The following TBC1D1 variants were observed in gnomAD, a reference collection of about 807,000 sequenced individuals.
TBC1D1 encodes the protein TBC1 (tre-2/USP6, BUB2, cdc16) domain family, member 1.
TBC1D1 carries 89 observed loss-of-function variants against 125.6 expected under a neutral mutation model. The ratio of observed to expected loss-of-function variants is 0.71; its 90% CI spans 0.60 to 0.85. The LOEUF is 0.85. Ranked by LOEUF, TBC1D1 falls within the 40% of genes least tolerant of loss-of-function variation. TBC1D1 has a pLI of 0.00. For missense variants in TBC1D1, 1,377 were observed against 1,469.2 expected (o/e 0.94, Z 1.03); for synonymous variants, 565 against 564.1 (o/e 1.00, Z -0.02).
chr4:38,085,026 G>A (rs1326219844), intron 12 of TBC1D1, among the ~76,000 whole-genome samples: 1 of 152,214 alleles, frequency 6.6e-6, no homozygotes, highest in Non-Finnish European at 1.5e-5. Context: ...GAGGTGGTGT[G>A]CACGTTGCTT....
intron 12 of TBC1D1, among the ~76,000 whole-genome samples, chr4:38,063,919 C>G (rs1022934360): frequency 6.6e-5 from 10 of 152,044 alleles, no homozygotes; most frequent in African/African-American, 2.2e-4. Flanking sequence ...GTGAGCCCGA[C>G]CCACCGCAGT....
chr4:38,119,138 T>A (rs1232427222), intron 17 of TBC1D1, among the ~76,000 whole-genome samples: 1 of 152,190 alleles, frequency 6.6e-6, no homozygotes, highest in Non-Finnish European at 1.5e-5. Context: ...TAAAAACATG[T>A]GATCTTTAAA....
intron 2 of TBC1D1, among the ~76,000 whole-genome samples, chr4:37,929,416 G>GCTGTA (rs1722797739): frequency 6.6e-6 from 1 of 152,148 alleles, no homozygotes; most frequent in South Asian, 2.1e-4. Context: ...TTTAGCAACC[G>GCTGTA]CTGTACTCCC....
At chr4:38,081,030 G>A (rs867383104) in intron 12 of TBC1D1, among the ~76,000 whole-genome samples, 3 of 152,120 alleles carry the variant, frequency 2.0e-5, no homozygotes. Flanking sequence ...CTCTTTAAAG[G>A]AGCTGAGTCC....
chr4:37,906,995 A>G (rs1260505045), intron 2 of TBC1D1, among the ~76,000 whole-genome samples: 1 of 152,258 alleles, frequency 6.6e-6, no homozygotes, highest in African/African-American at 2.4e-5. Flanking sequence ...TTAAAAAACA[A>G]AAGTAATAAA....
At chr4:37,987,935 T>C (rs552857924) in intron 2 of TBC1D1, among the ~76,000 whole-genome samples, 4 of 152,334 alleles carry the variant, frequency 2.6e-5, no homozygotes, top group African/African-American at 9.6e-5. Flanking sequence ...AGCATCATAC[T>C]GTGGATGTTT....
intron 17 of TBC1D1, among the ~76,000 whole-genome samples, chr4:38,120,389 A>G (rs746252663): frequency 6.6e-6 from 1 of 152,218 alleles, no homozygotes; most frequent in Non-Finnish European, 1.5e-5. Flanking sequence ...AGGTTTTTAC[A>G]AACCATTTCT....
chr4:37,941,829 T>G (rs1725637559), intron 2 of TBC1D1, among the ~76,000 whole-genome samples: 1 of 152,054 alleles, frequency 6.6e-6, no homozygotes, highest in East Asian at 1.9e-4. Context: ...TGTAGTTGAG[T>G]AGTTTTGAGT....
Position 37,977,468 on chromosome 4 carries a change from C to A in TBC1D1, c.418-37041C>A. ...GGCCGGCGGCGGGAGTGAGCGGGAG[C>A]CGGCGGGCGAAGAGCCGCCGCCCGG... On this transcript the variant is annotated intron_variant, in intron 2 of 19. Transcript: ENST00000261439. This position sits in a 1 kb window ranked among gnomAD's most constrained non-coding sequence, Gnocchi z 4.3. The A allele has an allele frequency of 1.0e-6, 1 of 986,858 alleles. No homozygotes were observed. Among genetic ancestry groups the A allele is most frequent in the South Asian group, 4.6e-5 (1 of 21,924 alleles). The allele number at this position is 986,858 out of a possible 1,614,324, so 61.1% of individuals were successfully genotyped here.
rs1043435507 is a variant in TBC1D1, at chr4:38,075,563, C to T, written c.2051-14369C>T. On this transcript the variant is annotated intron_variant, in intron 12 of 19. Transcript: ENST00000261439. ...TTTTTGTTTCATCTTGAGGACTTCC[C>T]CATCCCCTCTCCTCCGCAAAGCACA... Among the ~76,000 whole-genome samples the T allele has an allele frequency of 1.5e-4, 23 of 152,274 alleles. No homozygotes were observed. In the South Asian group the frequency reaches 1.9e-3, roughly 12 times the overall value.
intron 6 of TBC1D1, 143 bp downstream of exon 6, chr4:38,021,861 C>T: frequency 1.1e-6 from 1 of 930,600 alleles, no homozygotes; most frequent in Non-Finnish European, 1.4e-6. Context: ...TCTCAGTGTG[C>T]AGTGGGTGTC....
chr4:38,118,297 A>G (rs1763303071), intron 17 of TBC1D1, 105 bp downstream of exon 19: 9 of 1,347,856 alleles, frequency 6.7e-6, no homozygotes, highest in African/African-American at 2.9e-5. Flanking sequence ...TGTAGCTCTT[A>G]CCAGAACAGG....
chr4:38,048,522 C>T (rs1184291465), intron 10 of TBC1D1, among the ~76,000 whole-genome samples: 4 of 151,010 alleles, frequency 2.6e-5, no homozygotes, highest in African/African-American at 7.4e-5. Flanking sequence ...TGTAACTTCT[C>T]CCTTTGGTAA....
intron 14 of TBC1D1, among the ~76,000 whole-genome samples, chr4:38,096,946 A>C (rs558903895): frequency 2.8e-4 from 43 of 152,326 alleles, no homozygotes; most frequent in African/African-American, 1.0e-3. Context: ...GCTTACCTTC[A>C]GTCATTATTA....
intron 2 of TBC1D1, among the ~76,000 whole-genome samples, chr4:37,984,680 G>C (rs1049369129): frequency 6.6e-6 from 1 of 151,528 alleles, no homozygotes; most frequent in Non-Finnish European, 1.5e-5. Flanking sequence ...CCTATCTCTA[G>C]AAAAATACAA....
rs116574539 is a variant in TBC1D1, at chr4:38,115,586, G to C, written c.2558-124G>C. Reference sequence around the variant, plus strand: ...GTTTGCAGAGGAAGTGGCAAAGACTGATTGATATTATGATCCAGCTTCTAA... The same window carrying C: ...GTTTGCAGAGGAAGTGGCAAAGACTCATTGATATTATGATCCAGCTTCTAA... On this transcript the variant is annotated intron_variant, in intron 15 of 19. Coordinates refer to ENST00000261439, the MANE Select transcript of TBC1D1 (RefSeq NM_015173.4). The C allele has an allele frequency of 2.3e-3, 2,298 of 998,302 alleles. 26 individuals carry two copies. In the African/African-American group the frequency reaches 0.032, roughly 14 times the overall value. 61.8% of individuals were successfully genotyped at this position (998,302 alleles called of 1,614,324 possible).
At chr4:38,115,098 CTTTTTT>C (rs56997021) in intron 15 of TBC1D1, among the ~76,000 whole-genome samples, 252 of 134,662 alleles carry the variant, frequency 1.9e-3, no homozygotes, top group East Asian at 6.3e-3. Context: ...TTTCTTTTTT[CTTTTTT>C]TTTTTTTTTT....
At chr4:37,968,998 ATTGGAGCACAGTC>A (rs1184188330) in intron 2 of TBC1D1, among the ~76,000 whole-genome samples, 2 of 152,248 alleles carry the variant, frequency 1.3e-5, no homozygotes, top group Admixed American at 6.5e-5. Context: ...TAAAGTAACA[ATTGGAGCACAGTC>A]TTGCTGTTAG....
chr4:37,897,804 T>C (rs1319125003), intron 1 of TBC1D1, among the ~76,000 whole-genome samples: 1 of 152,232 alleles, frequency 6.6e-6, no homozygotes, highest in Non-Finnish European at 1.5e-5. Context: ...CAGATTCTGT[T>C]ACAGGAGTAG....
Sources: gnomAD v4.1 joint callset for allele counts (sites outside exome capture counted in the v4.1 genomes callset) on GRCh38, gnomAD v4.1.1 for gene constraint, Gnocchi (gnomAD v3.1) non-coding constraint, MANE v1.5 for transcripts, NCBI Gene and HGNC (gene_info 2026-07-23, HGNC 2026-07-21) for gene names.